MDGA2: variants seen among roughly 807,000 people sequenced by gnomAD.
MDGA2 encodes the protein MAM domain containing glycosylphosphatidylinositol anchor 2.
In MDGA2, 40 loss-of-function variants were observed where a neutral mutation model predicts 117.8. The observed-to-expected ratio is 0.34, with a 90% CI of 0.26 to 0.44. The LOEUF is 0.44. MDGA2 is among the 20% of genes least tolerant of loss of function. The probability of loss-of-function intolerance (pLI) is 1.00; values close to 1 mark genes in which losing one functional copy is unlikely to be tolerated. For missense variants in MDGA2, 1,123 were observed against 1,250.6 expected, an observed-to-expected ratio of 0.90 and a Z score of 1.54; for synonymous variants, 452 against 439.0, an observed-to-expected ratio of 1.03 and a Z score of -0.37.
intron 2 of MDGA2, among the ~76,000 whole-genome samples, chr14:47,227,345 T>C (rs1886541869): frequency 6.6e-6 from 1 of 152,168 alleles, no homozygotes; most frequent in Admixed American, 6.6e-5. Context: ...CTAGATGGGA[T>C]AGATTCTGCA....
At chr14:47,136,367 T>C (rs149744247) in intron 4 of MDGA2, among the ~76,000 whole-genome samples, 134 of 152,076 alleles carry the variant, frequency 8.8e-4, no homozygotes, top group African/African-American at 3.0e-3. Context: ...GGGATAATTT[T>C]TATATTTTTA....
In MDGA2 at chr14:47,282,863, T is replaced by G. The variant is rs1248920540; in HGVS notation, c.420+18548A>C. On this transcript the variant is annotated intron_variant, in intron 2 of 16. Transcript: ENST00000399232. ...CTCAGGAGGCTAAGGTTAGGAGGAT[T>G]GCTTGAGCCCAGGAGTTGAGGCTGC... is the stretch of plus-strand genomic sequence containing the variant. Among the ~76,000 whole-genome samples, 7 of 151,844 alleles carry G rather than the reference T, an allele frequency of 4.6e-5. No individual in the cohort carries two copies. In the East Asian group the frequency reaches 1.2e-3, roughly 25 times the overall value.
chr14:46,892,145 A>G (rs1460893782), intron 10 of MDGA2, among the ~76,000 whole-genome samples: 1 of 151,948 alleles, frequency 6.6e-6, no homozygotes, highest in African/African-American at 2.4e-5. Flanking sequence ...AATCAAAACA[A>G]TATTGGACTA....
intron 8 of MDGA2, among the ~76,000 whole-genome samples, chr14:46,996,240 T>C (rs1171382191): frequency 6.6e-6 from 1 of 152,192 alleles, no homozygotes; most frequent in African/African-American, 2.4e-5. Context: ...GAATTATCTT[T>C]CTAAATCTCT....
chr14:47,460,392 A>G (rs576386342), intron 1 of MDGA2, among the ~76,000 whole-genome samples: 33 of 152,210 alleles, frequency 2.2e-4, no homozygotes, highest in Admixed American at 9.2e-4. Flanking sequence ...AACTGAGAGA[A>G]GAAATGTAAA....
chr14:47,662,832 T>C (rs1366115503), intron 1 of MDGA2, among the ~76,000 whole-genome samples: 1 of 152,180 alleles, frequency 6.6e-6, no homozygotes, highest in African/African-American at 2.4e-5. Flanking sequence ...TTTATAATAT[T>C]GTAGGGAATG....
chr14:46,862,656 C>G (rs1296569738), intron 14 of MDGA2, among the ~76,000 whole-genome samples: 1 of 151,862 alleles, frequency 6.6e-6, no homozygotes, highest in Non-Finnish European at 1.5e-5. Flanking sequence ...GTCTGGAGAT[C>G]ACTTGCATAC....
chr14:47,030,825 TTA>T (rs1400214264), intron 8 of MDGA2, among the ~76,000 whole-genome samples: 1 of 152,188 alleles, frequency 6.6e-6, no homozygotes, highest in Non-Finnish European at 1.5e-5. Flanking sequence ...TTCAAAACAC[TTA>T]TATTTTCAAC....
chr14:46,857,204 T>C (rs1230738189), intron 14 of MDGA2, among the ~76,000 whole-genome samples: 1 of 152,212 alleles, frequency 6.6e-6, no homozygotes, highest in Non-Finnish European at 1.5e-5. Context: ...TTCCACTTAT[T>C]TCCATTTCTG....
chr14:46,992,366 C>T (rs1045376278), intron 8 of MDGA2, among the ~76,000 whole-genome samples: 16 of 152,074 alleles, frequency 1.1e-4, no homozygotes, highest in Non-Finnish European at 1.6e-4. Context: ...TACCAGAAGA[C>T]GTTCAGGACT....
intron 2 of MDGA2, among the ~76,000 whole-genome samples, chr14:47,280,457 A>G (rs916126426): frequency 2.0e-5 from 3 of 152,066 alleles, no homozygotes; most frequent in Admixed American, 6.6e-5. Context: ...TGTAGCAGGA[A>G]GTTACTACAT....
At chr14:47,198,498 G>A (rs1184843407) in intron 3 of MDGA2, among the ~76,000 whole-genome samples, 1 of 152,158 alleles carries the variant, frequency 6.6e-6, no homozygotes, top group African/African-American at 2.4e-5. Flanking sequence ...CGTGAACCCG[G>A]GAGGTGGAGT....
intron 1 of MDGA2, among the ~76,000 whole-genome samples, chr14:47,548,982 G>A (rs1895521059): frequency 6.6e-6 from 1 of 152,108 alleles, no homozygotes; most frequent in Admixed American, 6.6e-5. Context: ...TTTCCTCACT[G>A]AATGAGCTCT....
chr14:47,663,299 G>GA (rs1897884323), intron 1 of MDGA2, among the ~76,000 whole-genome samples: 1 of 152,138 alleles, frequency 6.6e-6, no homozygotes, highest in African/African-American at 2.4e-5. Context: ...CACATAATGG[G>GA]AAAAATCTTC....
intron 7 of MDGA2, among the ~76,000 whole-genome samples, 198 bp from the exon 8 acceptor site, chr14:47,035,502 AG>A (rs1287265336): frequency 6.6e-6 from 1 of 152,236 alleles, no homozygotes; most frequent in Non-Finnish European, 1.5e-5. Context: ...TTTTAAAATG[AG>A]GACTTCAAAC....
chr14:47,408,056 C>CTTGT (rs71449604), intron 1 of MDGA2, among the ~76,000 whole-genome samples: 1 of 115,186 alleles, frequency 8.7e-6, no homozygotes, highest in East Asian at 2.7e-4. Context: ...GGAGATTATT[C>CTTGT]TTTTTTTTTT....
intron 8 of MDGA2, among the ~76,000 whole-genome samples, chr14:47,019,741 C>T (rs968028698): frequency 3.3e-5 from 5 of 150,774 alleles, no homozygotes; most frequent in Non-Finnish European, 5.9e-5. Context: ...CTACTCAGGA[C>T]GCTGAGGCAG....
At chr14:47,108,533 TC>T (rs1381745535) in intron 5 of MDGA2, among the ~76,000 whole-genome samples, 2 of 147,940 alleles carry the variant, frequency 1.4e-5, no homozygotes, top group Non-Finnish European at 3.0e-5. Context: ...TCATCCTGGC[TC>T]AAAAAGCACC....
At chr14:47,239,654 T>C (rs1397895829) in intron 2 of MDGA2, among the ~76,000 whole-genome samples, 2 of 151,862 alleles carry the variant, frequency 1.3e-5, no homozygotes, top group Non-Finnish European at 2.9e-5. Context: ...ATTTTACTAT[T>C]ACATTTCAAT....
Sources: gnomAD v4.1 joint callset for allele counts (sites outside exome capture counted in the v4.1 genomes callset) on GRCh38, gnomAD v4.1.1 for gene constraint, MANE v1.5 for transcripts, NCBI Gene and HGNC (gene_info 2026-07-23, HGNC 2026-07-21) for gene names.